MRPL50: variants seen among roughly 807,000 people sequenced by gnomAD.
The protein encoded by MRPL50 is large ribosomal subunit protein mL50.
In MRPL50, 10 loss-of-function variants were observed where a neutral mutation model predicts 16.2. The observed-to-expected ratio is 0.62, with a 90% CI of 0.38 to 1.05. The LOEUF is 1.05. Among genes scored for constraint, MRPL50 ranks in the 50% least tolerant of loss-of-function variants. The pLI is 0.01. For missense variants in MRPL50, 213 were observed against 187.1 expected (o/e 1.14, Z -0.81); for synonymous variants, 68 against 66.8 (o/e 1.02, Z -0.09).
Position 101,389,556 on chromosome 9 carries a change from A to G in MRPL50, c.*910T>C. Reference sequence around the variant, plus strand: ...CTATCACTTTTCTTTAGGAATTGTCAGCAGTCAGAACAATATAAGACATTC... The same window carrying G: ...CTATCACTTTTCTTTAGGAATTGTCGGCAGTCAGAACAATATAAGACATTC... On this transcript the variant is annotated 3_prime_UTR_variant, in exon 2 of 2. Transcript: ENST00000374865. The G allele has an allele frequency of 9.7e-7, 1 of 1,033,486 alleles. No individual in the cohort carries two copies. Among genetic ancestry groups the G allele is most frequent in the South Asian group, 1.4e-5 (1 of 73,926 alleles). 64.0% of individuals were successfully genotyped at this position (1,033,486 alleles called of 1,614,324 possible). A position where few individuals can be genotyped will look rare whatever the true frequency, so the allele number is the denominator to read the frequency against.
chr9:101,390,652 C>T lies in MRPL50; in HGVS notation c.291G>A (p.Lys97=). ...CAGCTAAATGAGCCAGAAGATTGAA[C>T]TTTAGACGACTATCTTCCAGGGAGA... ...QDISLEDSRL[K]FNLLAHLADD... Residue 97 remains lysine, a synonymous_variant, in exon 2 of 2, where the codon AAG becomes AAA. Coordinates refer to ENST00000374865, the MANE Select transcript of MRPL50 (RefSeq NM_019051.3). 7 of 1,602,872 alleles carry T rather than the reference C, an allele frequency of 4.4e-6. No individual in the cohort carries two copies. Among genetic ancestry groups the T allele is most frequent in the Non-Finnish European group, 6.0e-6 (7 of 1,173,256 alleles).
At chr9:101,393,728 A>C (rs1308374525) in intron 1 of MRPL50, among the ~76,000 whole-genome samples, 3 of 152,154 alleles carry the variant, frequency 2.0e-5, no homozygotes, top group East Asian at 3.9e-4. Flanking sequence ...ATAAACTTCA[A>C]CAAAGAAGTA....
At chr9:101,392,514 TA>T (rs1158235992) in intron 1 of MRPL50, among the ~76,000 whole-genome samples, 22 of 151,918 alleles carry the variant, frequency 1.4e-4, no homozygotes, top group Admixed American at 1.3e-3. Context: ...CAAGCAACTA[TA>T]AGTCAATAGA....
chr9:101,397,109 G>A (rs993901709), intron 1 of MRPL50, among the ~76,000 whole-genome samples: 7 of 152,086 alleles, frequency 4.6e-5, no homozygotes, highest in Non-Finnish European at 1.0e-4. Flanking sequence ...TAATAATACT[G>A]TACTGTATAC....
chr9:101,396,448 G>A (rs1327738697), intron 1 of MRPL50, among the ~76,000 whole-genome samples: 1 of 151,984 alleles, frequency 6.6e-6, no homozygotes, highest in East Asian at 1.9e-4. Context: ...TGCCATAAGT[G>A]TGTCTATATG....
intron 1 of MRPL50, among the ~76,000 whole-genome samples, chr9:101,392,644 C>G (rs1457323007): frequency 1.3e-5 from 2 of 151,936 alleles, no homozygotes; most frequent in African/African-American, 4.8e-5. Flanking sequence ...ATAAAAGTCT[C>G]CCATCAAAGA....
chr9:101,396,202 T>C (rs1830337605), intron 1 of MRPL50, among the ~76,000 whole-genome samples: 2 of 152,156 alleles, frequency 1.3e-5, no homozygotes, highest in African/African-American at 4.8e-5. Context: ...CTGGTGGGAA[T>C]GAATATTGGC....
intron 1 of MRPL50, among the ~76,000 whole-genome samples, chr9:101,393,136 A>G (rs1276831185): frequency 6.6e-6 from 1 of 152,138 alleles, no homozygotes; most frequent in Admixed American, 6.5e-5. Context: ...CTGAAAAAGC[A>G]TTTCATACAT....
chr9:101,393,233 C>G (rs1032944066), intron 1 of MRPL50, among the ~76,000 whole-genome samples: 5 of 151,966 alleles, frequency 3.3e-5, no homozygotes, highest in Non-Finnish European at 5.9e-5. Context: ...GCATGACAAA[C>G]CCACCAAACA....
chr9:101,393,698 C>A (rs999475998), intron 1 of MRPL50, among the ~76,000 whole-genome samples: 3 of 151,706 alleles, frequency 2.0e-5, no homozygotes, highest in African/African-American at 7.3e-5. Context: ...ACAATAGCCA[C>A]ACACACAAAA....
rs1270817811 is a variant in MRPL50 at position 101,388,861 on chromosome 9, A to G, written c.*1605T>C. 3 of 152,146 alleles carry G rather than the reference A, an allele frequency of 2.0e-5. No individual in the cohort carries two copies. Among genetic ancestry groups the G allele is most frequent in the Non-Finnish European group, 2.9e-5 (2 of 68,000 alleles). 9.4% of individuals were successfully genotyped at this position (152,146 alleles called of 1,614,324 possible). The stretch of plus-strand genomic sequence containing the variant: ...TCCTTCTCATTATTCCCTAATCAGC[A>G]TAACAACTATTTACATAGCTATTTA... On this transcript the variant is annotated 3_prime_UTR_variant, in exon 2 of 2. Transcript: ENST00000374865.
At chr9:101,396,638 T>A (rs941818906) in intron 1 of MRPL50, among the ~76,000 whole-genome samples, 1 of 152,124 alleles carries the variant, frequency 6.6e-6, no homozygotes, top group Non-Finnish European at 1.5e-5. Context: ...CTCACTTATA[T>A]GTAGTATCTA....
At chr9:101,391,365 A>G (rs887397471) in intron 1 of MRPL50, among the ~76,000 whole-genome samples, 1 of 152,122 alleles carries the variant, frequency 6.6e-6, no homozygotes, top group Admixed American at 6.6e-5. Flanking sequence ...CCTAATTTCC[A>G]GAATCAAATA....
Position 101,387,636 on chromosome 9 carries a change from AGGAG to A in MRPL50, c.*2826_*2829del, listed in dbSNP as rs933223378. The A allele has an allele frequency of 1.3e-5, 2 of 152,130 alleles. No homozygotes were observed. The highest frequency in any genetic ancestry group is 2.9e-5 in the Non-Finnish European group (2 of 67,990). 9.4% of individuals were successfully genotyped at this position (152,130 alleles called of 1,614,324 possible). ...AATCAGAAAAATGACACGTTAAGAAAGGAGGGAGGAGTTTATTTTATGCAGTTTA... is the reference window on the plus strand; with the variant it reads ...AATCAGAAAAATGACACGTTAAGAAAGGAGGAGTTTATTTTATGCAGTTTA... On this transcript the variant is annotated 3_prime_UTR_variant, in exon 2 of 2. Transcript: ENST00000374865.
At position 101,389,260 on chromosome 9, in the gene MRPL50, G is replaced by A; in HGVS notation, c.*1206C>T. On this transcript the variant is annotated 3_prime_UTR_variant, in exon 2 of 2. Coordinates refer to ENST00000374865, the MANE Select transcript of MRPL50 (RefSeq NM_019051.3). ...ACATCATTTTATAAAAGGGGCTTGGGCATCTGTGGACTTTGGTATCCAAGT... is the reference window on the plus strand; with the variant it reads ...ACATCATTTTATAAAAGGGGCTTGGACATCTGTGGACTTTGGTATCCAAGT... 1 of 248,202 alleles carries A rather than the reference G, an allele frequency of 4.0e-6. No homozygotes were observed. The highest frequency in any genetic ancestry group is 4.0e-5 in the South Asian group (1 of 24,734). 15.4% of individuals were successfully genotyped at this position (248,202 alleles called of 1,614,324 possible).
At chr9:101,398,053 T>C (rs148424853) in intron 1 of MRPL50, among the ~76,000 whole-genome samples, 88 of 152,286 alleles carry the variant, frequency 5.8e-4, no homozygotes, top group African/African-American at 2.0e-3. Flanking sequence ...CTTAGAGTAA[T>C]GCTGGCCCTA....
chr9:101,390,359 G>C lies in MRPL50; in HGVS notation c.*107C>G. 6.8e-7 allele frequency: 1 copy of C among 1,474,098 alleles called. No individual in the cohort carries two copies. Among genetic ancestry groups the C allele is most frequent in the South Asian group, 1.5e-5 (1 of 64,664 alleles). 91.3% of individuals were successfully genotyped at this position (1,474,098 alleles called of 1,614,324 possible). ...CCTCTACAGAAAAAGTGGGTTTAGA[G>C]AACAGTTCTGGTAGTATTTCACATG... On this transcript the variant is annotated 3_prime_UTR_variant, in exon 2 of 2. Coordinates refer to ENST00000374865, the MANE Select transcript of MRPL50 (RefSeq NM_019051.3).
At chr9:101,395,593 G>A (rs1385878706) in intron 1 of MRPL50, among the ~76,000 whole-genome samples, 1 of 152,022 alleles carries the variant, frequency 6.6e-6, no homozygotes, top group African/African-American at 2.4e-5. Context: ...ATTAAAAAAG[G>A]ATGAAATCCT....
In MRPL50 at chr9:101,392,640, G is replaced by T. The variant is rs151015182; in HGVS notation, c.93-1790C>A. Among the ~76,000 whole-genome samples the T allele has an allele frequency of 5.6e-4, 85 of 152,086 alleles. No individual in the cohort carries two copies. The East Asian group carries it at 0.016, about 28-fold the overall frequency. On this transcript the variant is annotated intron_variant, in intron 1 of 1. Transcript: ENST00000374865. ...TAATGAGAAAGAGGCTGTAATAAAA[G>T]TCTCCCATCAAAGAAAAGCTTAAGA...
Sources: allele counts gnomAD v4.1 joint callset (sites outside exome capture counted in the v4.1 genomes callset), GRCh38; gene constraint gnomAD v4.1.1; transcripts MANE v1.5; gene names NCBI Gene and HGNC (gene_info 2026-07-23, HGNC 2026-07-21).